ZNF799: variants seen among roughly 807,000 people sequenced by gnomAD.
ZNF799 encodes the protein zinc finger protein 14.
A neutral mutation model predicts 41.0 loss-of-function variants in ZNF799; 28 were observed. The observed-to-expected ratio is 0.68, with a 90% CI of 0.51 to 0.94. The LOEUF (loss-of-function observed/expected upper bound fraction) is 0.94, where lower values mean the gene tolerates loss of function less well. Ranked by LOEUF, ZNF799 falls within the 40% of genes least tolerant of loss-of-function variation. The pLI is 0.00. For synonymous variants in ZNF799, 213 were observed against 252.9 expected, an observed-to-expected ratio of 0.84 and a Z score of 1.50; for missense variants, 716 against 764.3, an observed-to-expected ratio of 0.94 and a Z score of 0.74.
intron 1 of ZNF799, chr19:12,394,487 T>G: frequency 5.2e-6 from 4 of 762,518 alleles, no homozygotes; most frequent in Non-Finnish European, 6.4e-6. Context: ...TGTTGCAACT[T>G]GTTATTTGGG....
rs566306408 is a variant in ZNF799, at chr19:12,390,407, T to C, written c.*59A>G. 7 of 1,605,704 alleles carry C rather than the reference T, an allele frequency of 4.4e-6. No homozygotes were observed. The South Asian group carries it at 7.8e-5, about 18-fold the overall frequency. On this transcript the variant is annotated 3_prime_UTR_variant, in exon 4 of 4. Coordinates refer to ENST00000430385, the MANE Select transcript of ZNF799 (RefSeq NM_001080821.3). ...ATCTCCAATGTGTTTCGTACAAGTA[T>C]CTGAAATGAAATAAAATTAATAAAT...
At chr19:12,400,775 G>C in intron 1 of ZNF799, 1 of 565,136 alleles carries the variant, frequency 1.8e-6, no homozygotes, top group Non-Finnish European at 3.1e-6. Flanking sequence ...GTCGGGCCGC[G>C]AACCTGTGTT....
rs1160973320 is a variant in ZNF799 at position 12,390,563 on chromosome 19, T to C, written c.1835A>G (p.Lys612Arg). 1.9e-6 allele frequency: 3 copies of C among 1,613,890 alleles called. No homozygotes were observed. The highest frequency in any genetic ancestry group is 2.5e-6 in the Non-Finnish European group (3 of 1,179,832). The change falls in exon 4 of 4, where the codon AAA (lysine) becomes AGA (arginine). Residue 612 changes from lysine (K) to arginine (R), a missense_variant. Lys to Arg is a conservative substitution (Grantham distance 26). Coordinates refer to ENST00000430385, the MANE Select transcript of ZNF799 (RefSeq NM_001080821.3). ...CGGGTTCTCTCCAGTGTGAGTTTTT[T>C]TCCAGTGAGTCTTTTTATGTCTATG... ...SLHRHKKTHW[K>R]KTHTGENPYG...
intron 1 of ZNF799, among the ~76,000 whole-genome samples, chr19:12,399,978 C>T (rs548673974): frequency 3.3e-5 from 5 of 152,236 alleles, no homozygotes; most frequent in South Asian, 2.1e-4. Flanking sequence ...AAGAAAAAGC[C>T]ATACATTGCT....
intron 1 of ZNF799, among the ~76,000 whole-genome samples, chr19:12,397,859 A>AT (rs1417553248): frequency 6.6e-6 from 1 of 152,120 alleles, no homozygotes; most frequent in Non-Finnish European, 1.5e-5. Context: ...CAAGAAAACT[A>AT]TTTTTTTATT....
upstream of ZNF799, among the ~76,000 whole-genome samples, chr19:12,404,906 T>C (rs906715425): frequency 7.2e-5 from 11 of 152,190 alleles, no homozygotes; most frequent in Non-Finnish European, 1.6e-4. Context: ...TGGGTGCCTC[T>C]GTGAGGGTGC....
rs1284511818 is a variant in ZNF799, at chr19:12,392,001, A to G, written c.397T>C (p.Tyr133His). The change falls in exon 4 of 4, where the codon TAT becomes CAT. Residue 133 changes from tyrosine (Y) to histidine (H), a missense_variant. Transcript: ENST00000430385. ...TCTGGCTTCTCTCCACATTCATGAT[A>G]CTCATATGGTTTGTGCCCAGCACCA... ...RVGAGHKPYE[Y>H]HECGEKPDTH... 3.7e-6 allele frequency: 6 copies of G among 1,614,156 alleles called. No individual in the cohort carries two copies. The highest frequency in any genetic ancestry group is 2.2e-5 in the South Asian group (2 of 91,084).
At chr19:12,400,964 A>G in intron 1 of ZNF799, 104 bp downstream of exon 1, 1 of 1,601,774 alleles carries the variant, frequency 6.2e-7, no homozygotes, top group Non-Finnish European at 8.6e-7. Flanking sequence ...GGGTCCGTAG[A>G]TCCCGGAGTA....
the ZNF799 span, among the ~76,000 whole-genome samples, chr19:12,409,136 G>A: frequency 1.1e-4 from 17 of 152,136 alleles, no homozygotes; most frequent in African/African-American, 4.1e-4. Flanking sequence ...CGCTGTAGGG[G>A]AATGGTTTCT....
At chr19:12,408,817 T>C in the ZNF799 span, among the ~76,000 whole-genome samples, 1 of 152,280 alleles carries the variant, frequency 6.6e-6, no homozygotes, top group Middle Eastern at 3.4e-3. Context: ...GTGGATCACC[T>C]GAGGTCGGGA....
chr19:12,407,701 G>A, the ZNF799 span, among the ~76,000 whole-genome samples: 1 of 152,212 alleles, frequency 6.6e-6, no homozygotes, highest in East Asian at 1.9e-4. Context: ...GCTTATAATA[G>A]GGCCAATGAA....
At chr19:12,411,166 A>G in the ZNF799 span, among the ~76,000 whole-genome samples, 10 of 152,220 alleles carry the variant, frequency 6.6e-5, no homozygotes, top group Non-Finnish European at 7.3e-5. Flanking sequence ...ACCAAGAAGC[A>G]GGCCCTTACT....
chr19:12,399,733 T>C (rs1447354864), intron 1 of ZNF799, among the ~76,000 whole-genome samples: 1 of 148,588 alleles, frequency 6.7e-6, no homozygotes, highest in African/African-American at 2.5e-5. Context: ...AACTTCAAAC[T>C]CCTGGGCTCC....
At chr19:12,407,214 G>A in the ZNF799 span, among the ~76,000 whole-genome samples, 34 of 151,916 alleles carry the variant, frequency 2.2e-4, no homozygotes, top group Non-Finnish European at 4.4e-4. Context: ...CTATAATTCC[G>A]GCACTTTGGA....
At chr19:12,406,866 C>G in the ZNF799 span, among the ~76,000 whole-genome samples, 1 of 152,182 alleles carries the variant, frequency 6.6e-6, no homozygotes, top group African/African-American at 2.4e-5. Flanking sequence ...CGTCACTGCA[C>G]TCCAGCCTGG....
upstream of ZNF799, among the ~76,000 whole-genome samples, chr19:12,402,036 C>T (rs1454717501): frequency 6.6e-6 from 1 of 152,260 alleles, no homozygotes; most frequent in Non-Finnish European, 1.5e-5. Flanking sequence ...CCCATAACTA[C>T]TCCTCGCTAC....
At chr19:12,405,588 A>T (rs1187368325), upstream of ZNF799, among the ~76,000 whole-genome samples, 1 of 152,222 alleles carries the variant, frequency 6.6e-6, no homozygotes. Flanking sequence ...CTTCTTCTTT[A>T]CTTTTAGCTT....
In ZNF799 at chr19:12,401,252, G is replaced by C. The variant is rs1969981472; in HGVS notation, c.-182C>G. ...GGCTTTTTCAACCACACACTCCTCTGGGAAGCGCGCCTGATTGACAGTTCC... is the reference window on the plus strand; with the variant it reads ...GGCTTTTTCAACCACACACTCCTCTCGGAAGCGCGCCTGATTGACAGTTCC... On this transcript the variant is annotated 5_prime_UTR_variant, in exon 1 of 4. Transcript: ENST00000430385. The C allele has an allele frequency of 2.1e-6, 3 of 1,404,654 alleles. No homozygotes were observed. Among genetic ancestry groups the C allele is most frequent in the Non-Finnish European group, 2.8e-6 (3 of 1,063,314 alleles). 87.0% of individuals were successfully genotyped at this position (1,404,654 alleles called of 1,614,324 possible).
upstream of ZNF799, among the ~76,000 whole-genome samples, chr19:12,406,255 G>A (rs1350441455): frequency 6.7e-6 from 1 of 149,578 alleles, no homozygotes; most frequent in African/African-American, 2.5e-5. Flanking sequence ...CGAGGCAGGC[G>A]GATCACGAGG....
Sources: allele counts gnomAD v4.1 joint callset (sites outside exome capture counted in the v4.1 genomes callset), GRCh38; gene constraint gnomAD v4.1.1; transcripts MANE v1.5; gene names NCBI Gene and HGNC (gene_info 2026-07-23, HGNC 2026-07-21).